The following NELL1 variants were observed in gnomAD, a reference collection of about 807,000 sequenced individuals.
NELL1 encodes the protein protein kinase C-binding protein NELL1.
In NELL1, 76 loss-of-function variants were observed where a neutral mutation model predicts 107.4. The ratio of observed to expected loss-of-function variants is 0.71; its 90% CI spans 0.59 to 0.86. NELL1 has a LOEUF of 0.86. NELL1 is among the 40% of genes least tolerant of loss of function. The probability of loss-of-function intolerance (pLI) is 0.00; values close to 1 mark genes in which losing one functional copy is unlikely to be tolerated. For missense variants in NELL1, 1,024 were observed against 1,005.5 expected (o/e 1.02, Z -0.25); for synonymous variants, 353 against 341.2 (o/e 1.03, Z -0.38).
chr11:20,677,893 C>G, intron 1 of NELL1, 39 bp from the exon 2 acceptor site: 2 of 1,611,100 alleles, frequency 1.2e-6, no homozygotes, highest in Middle Eastern at 1.7e-4. Flanking sequence ...TAGTAACAGT[C>G]TGCATTTTAA....
At chr11:21,237,801 T>C (rs1858248382) in intron 14 of NELL1, among the ~76,000 whole-genome samples, 1 of 152,106 alleles carries the variant, frequency 6.6e-6, no homozygotes, top group Non-Finnish European at 1.5e-5. Flanking sequence ...TCCTTCTGTC[T>C]CAGGTACCTC....
At chr11:21,230,201 C>T (rs565391470) in intron 14 of NELL1, among the ~76,000 whole-genome samples, 40 of 152,286 alleles carry the variant, frequency 2.6e-4, no homozygotes, top group Non-Finnish European at 4.9e-4. Flanking sequence ...TTTTTCTTCA[C>T]AAACAACCTG....
chr11:21,413,951 C>A (rs1197455334), intron 15 of NELL1, among the ~76,000 whole-genome samples: 1 of 151,986 alleles, frequency 6.6e-6, no homozygotes, highest in South Asian at 2.1e-4. Flanking sequence ...ATAGAATGAT[C>A]AAGATTTTTT....
chr11:21,042,299 G>C (rs1853255175), intron 12 of NELL1, among the ~76,000 whole-genome samples: 1 of 152,144 alleles, frequency 6.6e-6, no homozygotes, highest in South Asian at 2.1e-4. Context: ...GGGATTCATA[G>C]ATCCTGGAAA....
At chr11:20,680,204 A>G (rs892040689) in intron 2 of NELL1, among the ~76,000 whole-genome samples, 18 of 152,258 alleles carry the variant, frequency 1.2e-4, no homozygotes, top group Non-Finnish European at 2.1e-4. Context: ...GTAAGGTAAC[A>G]TAATTATAGA....
chr11:20,921,798 G>T (rs34835859), intron 7 of NELL1, among the ~76,000 whole-genome samples: 104,631 of 145,440 alleles, frequency 0.72, 39,617 homozygotes, highest in South Asian at 0.85. Context: ...TATTGTGTGT[G>T]TTTTTTTTTT....
At chr11:21,178,348 C>T (rs937797946) in intron 13 of NELL1, among the ~76,000 whole-genome samples, 16 of 151,860 alleles carry the variant, frequency 1.1e-4, no homozygotes, top group Non-Finnish European at 2.9e-5. Flanking sequence ...TAGAATATCC[C>T]AGAACACTCT....
At chr11:21,382,077 A>G (rs1851627364) in intron 15 of NELL1, among the ~76,000 whole-genome samples, 2 of 151,738 alleles carry the variant, frequency 1.3e-5, no homozygotes, top group African/African-American at 2.4e-5. Flanking sequence ...TCCTTCTACA[A>G]ATATTTTCTT....
chr11:20,874,352 G>A (rs1849263306), intron 4 of NELL1, among the ~76,000 whole-genome samples: 1 of 152,190 alleles, frequency 6.6e-6, no homozygotes, highest in Non-Finnish European at 1.5e-5. Context: ...ACAGGTATGA[G>A]CCACCTCGCC....
intron 12 of NELL1, among the ~76,000 whole-genome samples, chr11:21,060,512 T>G (rs1341118882): frequency 6.6e-6 from 1 of 152,214 alleles, no homozygotes; most frequent in Non-Finnish European, 1.5e-5. Flanking sequence ...CTAGTTCTCA[T>G]TATACTTGCT....
chr11:21,187,294 C>T (rs1157173332), intron 13 of NELL1, among the ~76,000 whole-genome samples: 2 of 151,664 alleles, frequency 1.3e-5, no homozygotes, highest in South Asian at 2.1e-4. Context: ...AGAAGAGAGA[C>T]AAGATGTCTG....
chr11:20,739,780 T>C (rs1855846071), intron 2 of NELL1, among the ~76,000 whole-genome samples: 1 of 152,136 alleles, frequency 6.6e-6, no homozygotes, highest in African/African-American at 2.4e-5. Context: ...AGGATGTGCT[T>C]AATATACTGT....
At chr11:20,845,125 T>C (rs1848681582) in intron 3 of NELL1, among the ~76,000 whole-genome samples, 1 of 152,224 alleles carries the variant, frequency 6.6e-6, no homozygotes, top group Non-Finnish European at 1.5e-5. Flanking sequence ...AAATATATCA[T>C]CTTGATTTTC....
intron 12 of NELL1, among the ~76,000 whole-genome samples, chr11:20,971,157 G>C (rs1356691022): frequency 6.6e-6 from 1 of 152,022 alleles, no homozygotes; most frequent in Admixed American, 6.6e-5. Context: ...ATGGTGCCCA[G>C]AAGCCAAGCC....
intron 13 of NELL1, among the ~76,000 whole-genome samples, chr11:21,157,808 T>C (rs1281762207): frequency 6.6e-6 from 1 of 152,306 alleles, no homozygotes; most frequent in African/African-American, 2.4e-5. Context: ...GTAAAATGAG[T>C]ATAACACTAG....
intron 13 of NELL1, among the ~76,000 whole-genome samples, chr11:21,140,322 T>C (rs530439859): frequency 1.3e-5 from 2 of 152,322 alleles, no homozygotes; most frequent in African/African-American, 4.8e-5. Context: ...CAAAGCCTAA[T>C]ACCTACCGAG....
chr11:21,525,537 G>A (rs1310756690), intron 15 of NELL1, among the ~76,000 whole-genome samples: 4 of 152,210 alleles, frequency 2.6e-5, no homozygotes, highest in Non-Finnish European at 4.4e-5. Context: ...AAGAAGCTAT[G>A]AGCCCAAAGC....
At chr11:21,265,334 G>T (rs191038528) in intron 14 of NELL1, among the ~76,000 whole-genome samples, 5 of 151,786 alleles carry the variant, frequency 3.3e-5, no homozygotes, top group African/African-American at 4.8e-5. Context: ...TAAAAATAGG[G>T]GTATCACTTC....
At chr11:21,119,286 C>T (rs898588086) in intron 13 of NELL1, among the ~76,000 whole-genome samples, 10 of 151,434 alleles carry the variant, frequency 6.6e-5, no homozygotes, top group African/African-American at 2.4e-4. Context: ...GAAGACTACA[C>T]CTGAGACAGT....
Sources: allele counts gnomAD v4.1 joint callset (sites outside exome capture counted in the v4.1 genomes callset), GRCh38; gene constraint gnomAD v4.1.1; transcripts MANE v1.5; gene names NCBI Gene and HGNC (gene_info 2026-07-23, HGNC 2026-07-21).